The following MALRD1 variants were observed in gnomAD, a reference collection of about 807,000 sequenced individuals.
The protein encoded by MALRD1 is MAM and LDL-receptor class A domain-containing protein 1.
Under a neutral mutation model 242.1 loss-of-function variants are expected in MALRD1, and 247 were observed. The ratio of observed to expected loss-of-function variants is 1.02; its 90% CI spans 0.92 to 1.13. MALRD1 has a LOEUF of 1.13. Ranked by LOEUF, MALRD1 falls within the 50% of genes most tolerant of loss-of-function variation. The pLI is 0.00. For missense variants in MALRD1, 2,989 were observed against 2,533.1 expected, an observed-to-expected ratio of 1.18 and a Z score of -3.86; for synonymous variants, 995 against 866.6, an observed-to-expected ratio of 1.15 and a Z score of -2.60.
chr10:19,597,968 A>G (rs1003421833), intron 34 of MALRD1, among the ~76,000 whole-genome samples: 10 of 152,158 alleles, frequency 6.6e-5, no homozygotes, highest in African/African-American at 1.7e-4. Flanking sequence ...TTGTGTTGCT[A>G]GAGCAGAGCC....
chr10:19,191,103 CAATAAT>C (rs1835956174), intron 14 of MALRD1, among the ~76,000 whole-genome samples: 1 of 152,168 alleles, frequency 6.6e-6, no homozygotes, highest in East Asian at 1.9e-4. Flanking sequence ...TTCTAAAACT[CAATAAT>C]AAACCAACAG....
intron 32 of MALRD1, among the ~76,000 whole-genome samples, chr10:19,556,936 C>G (rs1387349029): frequency 6.6e-6 from 1 of 152,110 alleles, no homozygotes; most frequent in African/African-American, 2.4e-5. Context: ...TCCTGTGGCT[C>G]TATATCCTCG....
At position 19,121,043 on chromosome 10, in the gene MALRD1, C is replaced by CTTTT. The variant is rs71387043; in HGVS notation, c.695-2434_695-2431dup. On this transcript the variant is annotated intron_variant, in intron 5 of 39. Transcript: ENST00000454679. ...ACAGGCGTGAGCCACTGTGCCCGGC[C>CTTTT]TTTTTTTTTTTTTTTTTTGAGTTGG... Among the ~76,000 whole-genome samples the CTTTT allele has an allele frequency of 1.8e-3, 189 of 106,586 alleles. 12 individuals carry two copies. Among genetic ancestry groups the CTTTT allele is most frequent in the East Asian group, 2.7e-3 (8 of 3,014 alleles). The allele number at this position is 106,586 out of a possible 152,430, so 69.9% of individuals were successfully genotyped here.
chr10:19,363,296 C>A (rs988288637), intron 26 of MALRD1, among the ~76,000 whole-genome samples: 1 of 151,984 alleles, frequency 6.6e-6, no homozygotes, highest in African/African-American at 2.4e-5. Context: ...CTGGGACATT[C>A]AACATTATGA....
rs58034381 is a variant in MALRD1 at position 19,163,137 on chromosome 10, TAAAAAAAAAAAAA to T, written c.1657-2484_1657-2472del. ...TGAACAACTGGAGTGAAACCCTGTC[TAAAAAAAAAAAAA>T]AAAAAAAAAAAAAAAGACATCATTC... On this transcript the variant is annotated intron_variant, in intron 12 of 39. Transcript: ENST00000454679. 1.6e-4 allele frequency among the ~76,000 whole-genome samples: 7 copies of T among 43,852 alleles called. No individual in the cohort carries two copies. In the East Asian group the frequency reaches 3.0e-3, roughly 19 times the overall value. 28.8% of individuals were successfully genotyped at this position (43,852 alleles called of 152,430 possible).
At chr10:19,210,543 A>G (rs2245235) in intron 18 of MALRD1, among the ~76,000 whole-genome samples, 111,967 of 152,100 alleles carry the variant, frequency 0.74, 41,468 homozygotes, top group South Asian at 0.84. Context: ...TACACATAAT[A>G]TACTGGAAAA....
At chr10:19,315,766 G>T (rs910788945) in intron 21 of MALRD1, among the ~76,000 whole-genome samples, 8 of 139,074 alleles carry the variant, frequency 5.8e-5, no homozygotes, top group African/African-American at 2.1e-4. Context: ...TAATATATAT[G>T]TATATAATAT....
At chr10:19,459,978 T>A (rs969054106) in intron 29 of MALRD1, among the ~76,000 whole-genome samples, 4 of 152,008 alleles carry the variant, frequency 2.6e-5, no homozygotes, top group African/African-American at 9.7e-5. Context: ...TTATCCTCAG[T>A]TCATGTAATT....
intron 26 of MALRD1, among the ~76,000 whole-genome samples, chr10:19,365,644 ATG>A: frequency 6.8e-6 from 1 of 146,928 alleles, no homozygotes; most frequent in South Asian, 2.2e-4. Context: ...GATAATTGAC[ATG>A]TTTTATAAAT....
chr10:19,545,853 T>C (rs953896878), intron 32 of MALRD1, among the ~76,000 whole-genome samples: 2 of 152,180 alleles, frequency 1.3e-5, no homozygotes, highest in African/African-American at 4.8e-5. Flanking sequence ...CTTCTTTCAG[T>C]TTTCCTATTC....
At chr10:19,188,720 C>A (rs1835844082) in intron 14 of MALRD1, among the ~76,000 whole-genome samples, 1 of 152,144 alleles carries the variant, frequency 6.6e-6, no homozygotes, top group Non-Finnish European at 1.5e-5. Flanking sequence ...CTAGCAACAC[C>A]AAAGTCTAGA....
At chr10:19,064,508 CTT>C (rs569891101) in intron 1 of MALRD1, among the ~76,000 whole-genome samples, 3 of 142,264 alleles carry the variant, frequency 2.1e-5, no homozygotes, top group African/African-American at 7.7e-5. Flanking sequence ...TTCAGGATTG[CTT>C]TTTTTTTTTG....
Position 19,408,605 on chromosome 10 carries a change from C to A in MALRD1, c.4845+18996C>A, listed in dbSNP as rs141181925. Among the ~76,000 whole-genome samples the A allele has an allele frequency of 6.2e-3, 944 of 151,904 alleles. 15 individuals carry two copies. Among genetic ancestry groups the A allele is most frequent in the African/African-American group, 0.021 (881 of 41,424 alleles). On this transcript the variant is annotated intron_variant, in intron 28 of 39. Transcript: ENST00000454679. ...TTAAACAATCCAATTAGAAAATGGG[C>A]AAAAGATATAAAGAGACATTTCACT...
intron 18 of MALRD1, among the ~76,000 whole-genome samples, chr10:19,209,932 A>G (rs573394733): frequency 3.9e-5 from 6 of 152,308 alleles, no homozygotes; most frequent in African/African-American, 1.4e-4. Context: ...GGTCCTTCCA[A>G]TTTCAAGTAA....
chr10:19,270,328 TCTCTCTCTCACA>T (rs933676626), intron 19 of MALRD1, among the ~76,000 whole-genome samples: 7 of 94,402 alleles, frequency 7.4e-5, no homozygotes, highest in Admixed American at 2.8e-4. Context: ...TCTCTCTCTC[TCTCTCTCTCACA>T]CACACACACA....
At chr10:19,118,334 TG>T (rs1294367549) in intron 5 of MALRD1, among the ~76,000 whole-genome samples, 1 of 152,334 alleles carries the variant, frequency 6.6e-6, no homozygotes, top group Middle Eastern at 3.4e-3. Context: ...CCAAGGTGGT[TG>T]GGCTACAAGT....
At chr10:19,494,157 C>T (rs1054864345) in intron 30 of MALRD1, among the ~76,000 whole-genome samples, 2 of 152,170 alleles carry the variant, frequency 1.3e-5, no homozygotes, top group Admixed American at 6.5e-5. Context: ...CACCCCAAAT[C>T]GTCAACACCA....
intron 24 of MALRD1, among the ~76,000 whole-genome samples, chr10:19,339,774 A>T (rs1168840455): frequency 6.6e-6 from 1 of 152,166 alleles, no homozygotes; most frequent in Non-Finnish European, 1.5e-5. Flanking sequence ...TTTTGTAGGT[A>T]CATAGTATGT....
rs138030720 is a variant in MALRD1 at position 19,307,538 on chromosome 10, ATAT to A, written c.3420-16405_3420-16403del. On this transcript the variant is annotated intron_variant, in intron 21 of 39. Coordinates refer to ENST00000454679, the MANE Select transcript of MALRD1 (RefSeq NM_001142308.3). ...ATATATAACTCGGGGTGTGGATGAG[ATAT>A]TATTAGTTCAAAGGATGATCATTTC... 9.9e-3 allele frequency among the ~76,000 whole-genome samples: 1,497 copies of A among 151,632 alleles called. 17 individuals are homozygous for A. The highest frequency in any genetic ancestry group is 0.016 in the Non-Finnish European group (1,069 of 67,698).
Sources: gnomAD v4.1 joint callset for allele counts (sites outside exome capture counted in the v4.1 genomes callset) on GRCh38, gnomAD v4.1.1 for gene constraint, MANE v1.5 for transcripts, NCBI Gene and HGNC (gene_info 2026-07-23, HGNC 2026-07-21) for gene names.